The following WDR64 variants were observed in gnomAD, a reference collection of about 807,000 sequenced individuals.
The protein encoded by WDR64 is WD repeat domain 64, also known as WD repeat-containing protein 64.
In WDR64, 112 loss-of-function variants were observed where a neutral mutation model predicts 139.3. The ratio of observed to expected loss-of-function variants is 0.80; its 90% CI spans 0.69 to 0.94. The LOEUF (loss-of-function observed/expected upper bound fraction) is 0.94. WDR64 is among the 40% of genes least tolerant of loss of function. WDR64 has a pLI of 0.00. For missense variants in WDR64, 1,206 were observed against 1,293.1 expected (o/e 0.93, Z 1.03); for synonymous variants, 444 against 437.7 (o/e 1.01, Z -0.18).
At chr1:241,684,827 G>A (rs79046347) in intron 7 of WDR64, among the ~76,000 whole-genome samples, 3 of 152,050 alleles carry the variant, frequency 2.0e-5, no homozygotes, top group East Asian at 3.9e-4. Context: ...GCGCAGTCTC[G>A]GCTCCCTGCA....
chr1:241,790,716 AAAAAAG>A lies in WDR64; in HGVS notation c.2997+24_2997+29del, dbSNP rs747245280. The A allele has an allele frequency of 4.4e-5, 68 of 1,544,968 alleles. No homozygotes were observed. Among genetic ancestry groups the A allele is most frequent in the Non-Finnish European group, 5.2e-5 (59 of 1,145,172 alleles). Reference sequence around the variant, plus strand: ...CCTAAGGTAGCTTAAAAAAAAAAAAAAAAAAGAAATGGCAACAACAACAAAACCTTT... The same window carrying A: ...CCTAAGGTAGCTTAAAAAAAAAAAAAAAATGGCAACAACAACAAAACCTTT... On this transcript the variant is annotated intron_variant, in intron 25 of 27. Transcript: ENST00000437684.
intron 2 of WDR64, among the ~76,000 whole-genome samples, chr1:241,670,661 G>C (rs1311410546): frequency 6.6e-6 from 1 of 152,164 alleles, no homozygotes. Context: ...GGTGATCAGT[G>C]GGGGAGAGAG....
intron 11 of WDR64, among the ~76,000 whole-genome samples, chr1:241,740,759 G>T (rs1669508541): frequency 6.6e-6 from 1 of 151,800 alleles, no homozygotes; most frequent in African/African-American, 2.4e-5. Context: ...CCTCCCTCCG[G>T]GGTTCAAGTG....
At chr1:241,710,724 A>G (rs1046920836) in intron 8 of WDR64, among the ~76,000 whole-genome samples, 2 of 152,182 alleles carry the variant, frequency 1.3e-5, no homozygotes, top group African/African-American at 4.8e-5. Flanking sequence ...GCTGGAGTAG[A>G]ATCCAGCACA....
intron 24 of WDR64, 81 bp downstream of exon 24, chr1:241,788,115 A>C: frequency 4.7e-6 from 6 of 1,281,832 alleles, no homozygotes; most frequent in Non-Finnish European, 6.3e-6. Context: ...TGAGATGGAG[A>C]ATTCAAGGCA....
At chr1:241,789,501 G>A (rs1659152391) in intron 24 of WDR64, among the ~76,000 whole-genome samples, 1 of 152,268 alleles carries the variant, frequency 6.6e-6, no homozygotes, top group Middle Eastern at 3.4e-3. Context: ...TGGTAGACTG[G>A]ATAAAGAAAG....
chr1:241,652,566 T>C lies in WDR64; in HGVS notation c.82T>C (p.Leu28=). The change falls in exon 1 of 28, where the codon TTG becomes CTG. Residue 28 remains leucine (L), a synonymous_variant. Transcript: ENST00000437684. ...FKKALNRFEK[L]VEQTAAQKRD... Reference sequence around the variant, plus strand: ...AAAGGCTTTGAACAGGTTTGAAAAATTGGTTGAACAAACAGCAGCCCAGAA... The same window carrying C: ...AAAGGCTTTGAACAGGTTTGAAAAACTGGTTGAACAAACAGCAGCCCAGAA... The C allele has an allele frequency of 6.4e-7, 1 of 1,551,934 alleles. No homozygotes were observed. Among genetic ancestry groups the C allele is most frequent in the Non-Finnish European group, 8.7e-7 (1 of 1,147,050 alleles).
At chr1:241,789,620 T>C (rs570233053) in intron 24 of WDR64, among the ~76,000 whole-genome samples, 69 of 152,272 alleles carry the variant, frequency 4.5e-4, no homozygotes, top group Non-Finnish European at 8.1e-4. Flanking sequence ...AGCAAACTAA[T>C]GCAGGAACAG....
intron 3 of WDR64, among the ~76,000 whole-genome samples, chr1:241,671,539 G>C (rs754356382): frequency 7.2e-5 from 11 of 152,116 alleles, no homozygotes; most frequent in Non-Finnish European, 1.3e-4. Context: ...TTAACTTTTT[G>C]AGTTTTCACT....
chr1:241,706,087 T>A (rs1392284012), intron 8 of WDR64, among the ~76,000 whole-genome samples: 1 of 152,252 alleles, frequency 6.6e-6, no homozygotes, highest in Admixed American at 6.5e-5. Context: ...AAAATTCTAA[T>A]GTCCTATGAC....
chr1:241,802,734 G>C lies in WDR64; in HGVS notation c.*1519G>C, dbSNP rs1659559033. ...AAAACCACATTAATTATGGAATCTA[G>C]GTGGTAGGAATACAGGTATTCATTA... On this transcript the variant is annotated 3_prime_UTR_variant, in exon 28 of 28. Coordinates refer to ENST00000437684, the MANE Select transcript of WDR64 (RefSeq NM_001367482.1). Among the ~76,000 whole-genome samples, 2 of 152,224 alleles carry C rather than the reference G, an allele frequency of 1.3e-5. No homozygotes were observed. The highest frequency in any genetic ancestry group is 2.1e-4 in the South Asian group (1 of 4,828).
chr1:241,686,087 TAGATGATTTAATCATGC>T (rs1666992306), intron 7 of WDR64, among the ~76,000 whole-genome samples: 2 of 152,254 alleles, frequency 1.3e-5, no homozygotes, highest in South Asian at 4.1e-4. Flanking sequence ...TATATTCATG[TAGATGATTTAATCATGC>T]AGATGATTTA....
Position 241,744,501 on chromosome 1 carries a change from A to G in WDR64, c.1579A>G (p.Thr527Ala), listed in dbSNP as rs528773575. The change falls in exon 13 of 28, where the codon ACA becomes GCA. Residue 527 changes from threonine to alanine, a missense_variant. Coordinates refer to ENST00000437684, the MANE Select transcript of WDR64 (RefSeq NM_001367482.1). ...CGATGAAAGTGGATTTCTTTTTGCC[A>G]CAGGAGCGTATAATGGTCAGACTAA... ...AVDESGFLFA[T>A]GAYNGTVRIW... 14 of 1,614,074 alleles carry G rather than the reference A, an allele frequency of 8.7e-6. No individual in the cohort carries two copies. The African/African-American group carries it at 1.5e-4, about 17-fold the overall frequency.
Position 241,703,780 on chromosome 1 carries a change from T to TG in WDR64, c.975-8018dup, listed in dbSNP as rs781055495. On this transcript the variant is annotated intron_variant, in intron 8 of 27. Transcript: ENST00000437684. The surrounding 1 kb of genome is among the most constrained non-coding windows in gnomAD (Gnocchi z 5.9). Reference sequence around the variant, plus strand: ...TAATTGACTCACAGTTCCACATGGCTGGGGAGGCTTCAGGAAACTTACAAT... The same window carrying TG: ...TAATTGACTCACAGTTCCACATGGCTGGGGGAGGCTTCAGGAAACTTACAAT... Among the ~76,000 whole-genome samples the TG allele has an allele frequency of 2.2e-4, 34 of 152,254 alleles. No homozygotes were observed. The East Asian group carries it at 3.9e-3, about 17-fold the overall frequency.
Position 241,801,338 on chromosome 1 carries a change from A to C in WDR64, c.*123A>C. On this transcript the variant is annotated 3_prime_UTR_variant, in exon 28 of 28. Coordinates refer to ENST00000437684, the MANE Select transcript of WDR64 (RefSeq NM_001367482.1). ...TATCAGTCATCTCTGGTGTCAGGCC[A>C]TCCTATTGATGGGAAAGATTGCTTA... 1 of 796,716 alleles carries C rather than the reference A, an allele frequency of 1.3e-6. No homozygotes were observed. Among genetic ancestry groups the C allele is most frequent in the Admixed American group, 2.4e-5 (1 of 40,856 alleles). The allele number at this position is 796,716 out of a possible 1,614,324, so 49.4% of individuals were successfully genotyped here.
chr1:241,683,529 T>C lies in WDR64; in HGVS notation c.667T>C (p.Cys223Arg), dbSNP rs1253131614. The change falls in exon 7 of 28, where the codon TGT becomes CGT. Residue 223 changes from cysteine to arginine, a missense_variant. By Grantham distance (180) the Cys-to-Arg change is radical. Coordinates refer to ENST00000437684, the MANE Select transcript of WDR64 (RefSeq NM_001367482.1). ...AAAACCAATGGATCACTGCCTCCTG[T>C]GTGTGTGTGTGGTGCCTTTGCCTGA... ...VIKPMDHCLL[C>R]VCVVPLPDHL... 6.5e-7 allele frequency: 1 copy of C among 1,550,018 alleles called. No homozygotes were observed. The highest frequency in any genetic ancestry group is 8.7e-7 in the Non-Finnish European group (1 of 1,145,814).
chr1:241,797,925 T>C (rs1330195164), intron 27 of WDR64, among the ~76,000 whole-genome samples: 1 of 152,204 alleles, frequency 6.6e-6, no homozygotes, highest in African/African-American at 2.4e-5. Context: ...TCTCATCTGA[T>C]GTTAAATATA....
chr1:241,661,858 A>G (rs916480636), intron 2 of WDR64, among the ~76,000 whole-genome samples: 48 of 152,346 alleles, frequency 3.2e-4, no homozygotes, highest in African/African-American at 1.1e-3. Context: ...TGTTGTGAAT[A>G]AAGTTTACTG....
chr1:241,790,631 A>G lies in WDR64; in HGVS notation c.2932A>G (p.Thr978Ala), dbSNP rs371702842. 3.4e-5 allele frequency: 55 copies of G among 1,612,528 alleles called. No individual in the cohort carries two copies. Among genetic ancestry groups the G allele is most frequent in the Non-Finnish European group, 4.2e-5 (49 of 1,179,754 alleles). ...MSSVSLLFKR[T>A]PPKAFEVEQD... is the part of the protein sequence containing the mutation. ...CTCAGTGTCTCTACTTTTCAAACGC[A>G]CACCTCCCAAGGCCTTTGAAGTGGA... The change falls in exon 25 of 28, where the codon ACA becomes GCA. Residue 978 changes from threonine (T) to alanine (A), a missense_variant. By Grantham distance (58) the Thr-to-Ala change is moderately conservative. Transcript: ENST00000437684.
Sources: gnomAD v4.1 joint callset for allele counts (sites outside exome capture counted in the v4.1 genomes callset) on GRCh38, gnomAD v4.1.1 for gene constraint, Gnocchi (gnomAD v3.1) non-coding constraint, MANE v1.5 for transcripts, NCBI Gene and HGNC (gene_info 2026-07-23, HGNC 2026-07-21) for gene names.